Variants in TTC28 observed in about 807,000 individuals in gnomAD.
TTC28 encodes the protein tetratricopeptide repeat protein 28.
TTC28 carries 61 observed loss-of-function variants against 198.0 expected under a neutral mutation model. That is an observed-to-expected ratio of 0.31 (90% CI 0.25 to 0.38). The LOEUF (loss-of-function observed/expected upper bound fraction) is 0.38. TTC28 is among the 10% of genes least tolerant of loss of function. The pLI, the probability that TTC28 is intolerant of heterozygous loss-of-function variation, is 1.00. For missense variants in TTC28, 2,678 were observed against 3,164.0 expected (o/e 0.85, Z 3.69); for synonymous variants, 1,171 against 1,297.8 (o/e 0.90, Z 2.10).
chr22:28,410,553 A>G (rs1304410274), intron 2 of TTC28, among the ~76,000 whole-genome samples: 1 of 152,252 alleles, frequency 6.6e-6, no homozygotes, highest in Non-Finnish European at 1.5e-5. Context: ...TTCGTGTGAG[A>G]GAGAAGAGGA....
intron 15 of TTC28, 144 bp downstream of exon 15, chr22:28,001,230 G>A (rs1344641363): frequency 1.7e-5 from 19 of 1,095,042 alleles, no homozygotes; most frequent in East Asian, 5.3e-5. Flanking sequence ...CTAAAGTCAC[G>A]CTACCTGCGT....
intron 2 of TTC28, among the ~76,000 whole-genome samples, chr22:28,399,440 C>T (rs2046869781): frequency 2.6e-5 from 4 of 151,604 alleles, no homozygotes; most frequent in African/African-American, 9.7e-5. Flanking sequence ...CCCATCTCAG[C>T]CTCCCAAGTA....
chr22:28,678,475 C>A (rs2052038293), intron 1 of TTC28, among the ~76,000 whole-genome samples: 1 of 152,216 alleles, frequency 6.6e-6, no homozygotes, highest in South Asian at 2.1e-4. Context: ...CTCAAGCAAT[C>A]TGCCTCCCAA....
Position 28,135,546 on chromosome 22 carries a change from G to T in TTC28, c.1442-27143C>A, listed in dbSNP as rs567637825. On this transcript the variant is annotated intron_variant, in intron 6 of 22. Coordinates refer to ENST00000397906, the MANE Select transcript of TTC28 (RefSeq NM_001145418.2). Reference sequence around the variant, plus strand: ...AGGAGAAGGAGTTCAAATAAGTCAAGTAAGAGGACAGGTCAACTGACTTGA... The same window carrying T: ...AGGAGAAGGAGTTCAAATAAGTCAATTAAGAGGACAGGTCAACTGACTTGA... Among the ~76,000 whole-genome samples the T allele has an allele frequency of 5.9e-5, 9 of 152,258 alleles. No individual in the cohort carries two copies. In the South Asian group the frequency reaches 1.9e-3, roughly 32 times the overall value.
chr22:28,572,487 C>T (rs942810688), intron 2 of TTC28, among the ~76,000 whole-genome samples: 1 of 152,098 alleles, frequency 6.6e-6, no homozygotes, highest in Admixed American at 6.6e-5. Context: ...ACTATATCAT[C>T]AAAGTAGATG....
intron 19 of TTC28, 67 bp from the exon 20 acceptor site, chr22:27,990,879 G>C (rs750663846): frequency 2.0e-6 from 3 of 1,476,178 alleles, no homozygotes; most frequent in Non-Finnish European, 2.7e-6. Flanking sequence ...CTCAAGCACA[G>C]GCTGTTATGC....
At chr22:28,174,100 G>A (rs1323184711) in intron 5 of TTC28, among the ~76,000 whole-genome samples, 1 of 152,048 alleles carries the variant, frequency 6.6e-6, no homozygotes, top group Non-Finnish European at 1.5e-5. Context: ...CAACCCAATA[G>A]GAAGAAATAC....
chr22:28,407,735 A>G (rs1247360123), intron 2 of TTC28, among the ~76,000 whole-genome samples: 1 of 152,242 alleles, frequency 6.6e-6, no homozygotes, highest in Admixed American at 6.5e-5. Context: ...ACTTGCGCAT[A>G]TAATGAATAC....
chr22:28,421,326 C>T (rs1348603219), intron 2 of TTC28, among the ~76,000 whole-genome samples: 1 of 152,132 alleles, frequency 6.6e-6, no homozygotes, highest in Non-Finnish European at 1.5e-5. Flanking sequence ...ACTGATTTGT[C>T]TCAATCTTGG....
chr22:28,015,592 T>C (rs1938337526), intron 13 of TTC28, among the ~76,000 whole-genome samples: 1 of 126,978 alleles, frequency 7.9e-6, no homozygotes, highest in African/African-American at 3.2e-5. Context: ...CTAGCTAATT[T>C]GTAAATTTTT....
intron 12 of TTC28, among the ~76,000 whole-genome samples, chr22:28,087,640 C>T (rs551504488): frequency 2.6e-5 from 4 of 152,048 alleles, no homozygotes; most frequent in Non-Finnish European, 4.4e-5. Context: ...CTATTCAACA[C>T]AGTGCTGGAA....
intron 6 of TTC28, among the ~76,000 whole-genome samples, chr22:28,155,726 G>A (rs1225771770): frequency 2.0e-5 from 3 of 152,112 alleles, no homozygotes; most frequent in African/African-American, 2.4e-5. Flanking sequence ...TTAGGTAAAC[G>A]GTATATACAG....
At chr22:28,094,277 C>A in intron 11 of TTC28, 32 bp from the exon 12 acceptor site, 1 of 1,521,894 alleles carries the variant, frequency 6.6e-7, no homozygotes. Context: ...CAACATTATA[C>A]ACAATTAGGG....
intron 2 of TTC28, among the ~76,000 whole-genome samples, chr22:28,619,243 A>C (rs2050951446): frequency 6.6e-6 from 1 of 152,112 alleles, no homozygotes; most frequent in Non-Finnish European, 1.5e-5. Flanking sequence ...TATATAAAAA[A>C]CTCTGTGCTA....
intron 2 of TTC28, among the ~76,000 whole-genome samples, chr22:28,313,523 A>C (rs2045302154): frequency 6.6e-6 from 1 of 152,122 alleles, no homozygotes. Context: ...AACAATCAAG[A>C]CGGCTTCATC....
chr22:28,070,866 A>C (rs1472832042), intron 12 of TTC28, among the ~76,000 whole-genome samples: 1 of 152,166 alleles, frequency 6.6e-6, no homozygotes, highest in Non-Finnish European at 1.5e-5. Flanking sequence ...TTACAGTATA[A>C]TTTTCAAGCT....
chr22:28,170,555 T>C (rs1248284489), intron 5 of TTC28, among the ~76,000 whole-genome samples: 2 of 152,028 alleles, frequency 1.3e-5, no homozygotes, highest in African/African-American at 4.8e-5. Context: ...CACAGGAAAT[T>C]CACAGGAGAA....
intron 2 of TTC28, among the ~76,000 whole-genome samples, chr22:28,422,353 T>C (rs1214453322): frequency 2.6e-5 from 4 of 152,222 alleles, no homozygotes; most frequent in African/African-American, 9.6e-5. Context: ...CACTCTGATC[T>C]TGTCATCTTG....
intron 12 of TTC28, among the ~76,000 whole-genome samples, chr22:28,092,786 G>A (rs1395892756): frequency 6.6e-6 from 1 of 152,150 alleles, no homozygotes; most frequent in African/African-American, 2.4e-5. Flanking sequence ...GTCAACCCCT[G>A]TAATTGCCAA....
Sources: gnomAD v4.1 joint callset for allele counts (sites outside exome capture counted in the v4.1 genomes callset) on GRCh38, gnomAD v4.1.1 for gene constraint, MANE v1.5 for transcripts, NCBI Gene and HGNC (gene_info 2026-07-23, HGNC 2026-07-21) for gene names.